Variants in ATG7 observed in about 807,000 individuals in gnomAD.
ATG7 encodes ubiquitin-like modifier-activating enzyme ATG7.
In ATG7, 70 loss-of-function variants were observed where a neutral mutation model predicts 82.4. That is an observed-to-expected ratio of 0.85 (90% CI 0.70 to 1.04). ATG7 has a LOEUF of 1.04. Ranked by LOEUF, ATG7 falls within the 50% of genes least tolerant of loss-of-function variation. The pLI is 0.00. For synonymous variants in ATG7, 287 were observed against 313.0 expected, an observed-to-expected ratio of 0.92 and a Z score of 0.88; for missense variants, 792 against 864.3, an observed-to-expected ratio of 0.92 and a Z score of 1.05.
the ATG7 span, among the ~76,000 whole-genome samples, chr3:11,570,589 G>A: frequency 1.3e-5 from 2 of 152,186 alleles, no homozygotes; most frequent in Non-Finnish European, 2.9e-5. Flanking sequence ...AATCATTAAG[G>A]TACACATAGT....
intron 20 of ATG7, among the ~76,000 whole-genome samples, chr3:11,515,392 C>T (rs1320938426): frequency 6.6e-6 from 1 of 152,036 alleles, no homozygotes; most frequent in Non-Finnish European, 1.5e-5. Flanking sequence ...CAACCTCCAC[C>T]TCCCCGGTTC....
intron 18 of ATG7, among the ~76,000 whole-genome samples, chr3:11,371,564 C>T (rs1379184999): frequency 6.6e-6 from 1 of 150,640 alleles, no homozygotes; most frequent in East Asian, 2.0e-4. Flanking sequence ...ACAGCCTAAT[C>T]CAGGGATTCC....
At chr3:11,354,919 T>C (rs2075829811) in intron 14 of ATG7, among the ~76,000 whole-genome samples, 1 of 152,200 alleles carries the variant, frequency 6.6e-6, no homozygotes, top group Non-Finnish European at 1.5e-5. Flanking sequence ...GCTTATAACA[T>C]GAAGGCACTT....
At chr3:11,433,643 C>G (rs1321923708) in intron 20 of ATG7, among the ~76,000 whole-genome samples, 4 of 152,184 alleles carry the variant, frequency 2.6e-5, no homozygotes, top group Non-Finnish European at 5.9e-5. Context: ...CATTCCTATT[C>G]ATGAAAGTTT....
intron 20 of ATG7, among the ~76,000 whole-genome samples, chr3:11,450,536 G>A (rs2085012362): frequency 6.6e-6 from 1 of 152,204 alleles, no homozygotes; most frequent in African/African-American, 2.4e-5. Flanking sequence ...AAGCAGTTCA[G>A]TGAGTTTTGT....
At chr3:11,360,840 G>A in intron 16 of ATG7, 56 bp downstream of exon 16, 1 of 1,565,736 alleles carries the variant, frequency 6.4e-7, no homozygotes, top group African/African-American at 1.4e-5. Flanking sequence ...TGTACACTGA[G>A]GCAGACCGAC....
chr3:11,413,641 G>T (rs1339841799), intron 19 of ATG7, among the ~76,000 whole-genome samples: 2 of 152,190 alleles, frequency 1.3e-5, no homozygotes, highest in Admixed American at 6.5e-5. Flanking sequence ...ACAGTTTACT[G>T]TTATTTCATT....
chr3:11,570,080 C>T, the ATG7 span, among the ~76,000 whole-genome samples: 1 of 152,074 alleles, frequency 6.6e-6, no homozygotes, highest in Non-Finnish European at 1.5e-5. Context: ...CCTGCTGCCC[C>T]CTGGGGTTTC....
At chr3:11,557,806 C>G (rs544863289), downstream of ATG7, 2 of 152,610 alleles carry the variant, frequency 1.3e-5, no homozygotes, top group African/African-American at 2.4e-5. Context: ...CTGCAGTGTT[C>G]AGAGAAGATA....
intron 20 of ATG7, among the ~76,000 whole-genome samples, chr3:11,552,455 C>T (rs924876391): frequency 5.3e-5 from 8 of 152,140 alleles, no homozygotes; most frequent in Non-Finnish European, 7.4e-5. Flanking sequence ...GACACAGCTG[C>T]GGTGAGGACA....
intron 3 of ATG7, among the ~76,000 whole-genome samples, chr3:11,295,966 C>T (rs1048796594): frequency 1.3e-5 from 2 of 151,860 alleles, no homozygotes; most frequent in Admixed American, 6.6e-5. Flanking sequence ...TTGGTAGAGA[C>T]GGGGTTTCAC....
At position 11,496,514 on chromosome 3, in the gene ATG7, C is replaced by T. The variant is rs544062566; in HGVS notation, c.2080-58297C>T. On this transcript the variant is annotated intron_variant, in intron 20 of 20. Coordinates refer to ENST00000693202, the MANE Select transcript of ATG7 (RefSeq NM_001349232.2). Reference sequence around the variant, plus strand: ...CCAAGTTGCTCTTCTCTGAGGGCTGCTGAGGCTGGGACTTTGTGTCCTCGC... The same window carrying T: ...CCAAGTTGCTCTTCTCTGAGGGCTGTTGAGGCTGGGACTTTGTGTCCTCGC... 3.9e-5 allele frequency among the ~76,000 whole-genome samples: 6 copies of T among 152,320 alleles called. No homozygotes were observed. In the East Asian group the frequency reaches 9.6e-4, roughly 24 times the overall value.
At chr3:11,287,913 T>C (rs1381676422) in intron 3 of ATG7, among the ~76,000 whole-genome samples, 1 of 152,242 alleles carries the variant, frequency 6.6e-6, no homozygotes, top group Non-Finnish European at 1.5e-5. Flanking sequence ...GTTTGGAAGA[T>C]CATTTAGTCC....
intron 20 of ATG7, among the ~76,000 whole-genome samples, chr3:11,448,893 T>C (rs137952109): frequency 1.3e-3 from 193 of 152,252 alleles, no homozygotes; most frequent in Middle Eastern, 6.8e-3. Context: ...CTCCCCTGCC[T>C]GACATTTTAC....
At chr3:11,565,069 G>A in the ATG7 span, 1 of 1,433,436 alleles carries the variant, frequency 7.0e-7, no homozygotes, top group Non-Finnish European at 9.2e-7. This position sits in a 1 kb window ranked among gnomAD's most constrained non-coding sequence, Gnocchi z 4.1. Flanking sequence ...AAGGCAAAGG[G>A]GACAGTGACT....
the ATG7 span, among the ~76,000 whole-genome samples, chr3:11,573,121 G>A: frequency 2.0e-5 from 3 of 151,572 alleles, no homozygotes; most frequent in African/African-American, 4.9e-5. Context: ...AGCCAAGATC[G>A]AGCCATTGCA....
chr3:11,558,138 C>T (rs1390249394), downstream of ATG7: 6 of 228,648 alleles, frequency 2.6e-5, no homozygotes, highest in South Asian at 8.4e-5. Context: ...GAACCAAACA[C>T]GCCGTGGAAG....
chr3:11,512,021 G>A (rs1267463234), intron 20 of ATG7, among the ~76,000 whole-genome samples: 1 of 152,140 alleles, frequency 6.6e-6, no homozygotes, highest in Admixed American at 6.5e-5. Flanking sequence ...CTCCAGCCTT[G>A]GCCAGCCCAG....
At chr3:11,547,308 C>A (rs2125048752) in intron 20 of ATG7, among the ~76,000 whole-genome samples, 1 of 152,298 alleles carries the variant, frequency 6.6e-6, no homozygotes, top group South Asian at 2.1e-4. Context: ...ACACCATTGT[C>A]CTCAGGGCTG....
Sources: gnomAD v4.1 joint callset for allele counts (sites outside exome capture counted in the v4.1 genomes callset) on GRCh38, gnomAD v4.1.1 for gene constraint, Gnocchi (gnomAD v3.1) non-coding constraint, MANE v1.5 for transcripts, NCBI Gene and HGNC (gene_info 2026-07-23, HGNC 2026-07-21) for gene names.